The following ASB10 variants were observed in gnomAD, a reference collection of about 807,000 sequenced individuals.
The protein encoded by ASB10 is ankyrin repeat and SOCS box protein 10.
A neutral mutation model predicts 35.4 loss-of-function variants in ASB10; 44 were observed. The ratio of observed to expected loss-of-function variants is 1.24; its 90% CI spans 0.98 to 1.60. ASB10 has a LOEUF of 1.60. Ranked by LOEUF, ASB10 falls within the 40% of genes most tolerant of loss-of-function variation. The pLI, the probability that ASB10 is intolerant of heterozygous loss-of-function variation, is 0.00. For missense variants in ASB10, 647 were observed against 634.3 expected, an observed-to-expected ratio of 1.02 and a Z score of -0.22; for synonymous variants, 294 against 280.4, an observed-to-expected ratio of 1.05 and a Z score of -0.49.
intron 2 of ASB10, among the ~76,000 whole-genome samples, chr7:151,185,932 G>T (rs147032022): frequency 6.6e-6 from 1 of 152,194 alleles, no homozygotes; most frequent in Admixed American, 6.5e-5. Flanking sequence ...TACCCAGAGG[G>T]ACCCAGGCAG....
chr7:151,187,296 C>T (rs896059451), upstream of ASB10: 19 of 1,507,866 alleles, frequency 1.3e-5, 1 homozygote, highest in African/African-American at 2.5e-4. The surrounding 1 kb of genome is among the most constrained non-coding windows in gnomAD (Gnocchi z 5.3). Context: ...CTCCACATGA[C>T]TGTGTTCTTG....
In ASB10 at chr7:151,186,571, C is replaced by T; in HGVS notation, c.405G>A (p.Leu135=). The T allele has an allele frequency of 1.2e-6, 2 of 1,606,842 alleles. No individual in the cohort carries two copies. Among genetic ancestry groups the T allele is most frequent in the Non-Finnish European group, 8.5e-7 (1 of 1,177,482 alleles). The change falls in exon 2 of 6, where the codon CTG becomes CTA. Residue 135 remains leucine (L), a synonymous_variant. Transcript: ENST00000420175. ...SRGHTEVLRL[L]LRRRARPDSA... is the part of the protein sequence containing the mutation. ...TGTCTGGCCTTGCTCGCCGCCTCAG[C>T]AGCAGCCGCAGGACTTCCGTGTGGC...
rs2150561111 is a variant in ASB10 at position 151,187,242 on chromosome 7, T to C, written c.-112A>G. Reference sequence around the variant, plus strand: ...GACAGAAGGCCCCTGTGTCCCACGCTCCGAGGCTGACCTGGCCACGCATCC... The same window carrying C: ...GACAGAAGGCCCCTGTGTCCCACGCCCCGAGGCTGACCTGGCCACGCATCC... On this transcript the variant is annotated 5_prime_UTR_variant, in exon 1 of 6. Transcript: ENST00000420175. This position sits in a 1 kb window ranked among gnomAD's most constrained non-coding sequence, Gnocchi z 5.3. 6.6e-7 allele frequency: 1 copy of C among 1,525,818 alleles called. No individual in the cohort carries two copies. Among genetic ancestry groups the C allele is most frequent in the East Asian group, 2.5e-5 (1 of 40,650 alleles). The allele number at this position is 1,525,818 out of a possible 1,614,324, so 94.5% of individuals were successfully genotyped here. A position where few individuals can be genotyped will look rare whatever the true frequency, so the allele number is the denominator to read the frequency against.
rs1156510454 is a variant in ASB10, at chr7:151,176,160, C to G, written c.1356G>C (p.Pro452=). ...CCAGCTGCAGGTAGCGGAGCAGGCG[C>G]GGTGGCAGGGGGAGGCGGGGCAGCG... ...PQALPRLPLP[P]RLLRYLQLDF... is the part of the protein sequence containing the mutation. Residue 452 remains proline (P), a synonymous_variant, in exon 5 of 6, where the codon CCG becomes CCC. Transcript: ENST00000420175. 1.2e-6 allele frequency: 2 copies of G among 1,611,812 alleles called. No individual in the cohort carries two copies. Among genetic ancestry groups the G allele is most frequent in the Non-Finnish European group, 1.7e-6 (2 of 1,179,810 alleles).
At chr7:151,180,319 G>A (rs187715824) in intron 3 of ASB10, among the ~76,000 whole-genome samples, 11 of 152,362 alleles carry the variant, frequency 7.2e-5, no homozygotes, top group Admixed American at 2.0e-4. Context: ...AATTGACAGT[G>A]AAAGGCATGT....
At position 151,176,127 on chromosome 7, in the gene ASB10, C is replaced by T. The variant is rs746880518; in HGVS notation, c.1389G>A (p.Glu463=). The T allele has an allele frequency of 1.9e-6, 3 of 1,611,486 alleles. No individual in the cohort carries two copies. Among genetic ancestry groups the T allele is most frequent in the Admixed American group, 1.7e-5 (1 of 59,984 alleles). ...RLLRYLQLDF[E]GVLY ...CGGGGCTCACCTAGTAGAGCACGCC[C>T]TCAAAATCCAGCTGCAGGTAGCGGA... The change falls in exon 5 of 6, where the codon GAG becomes GAA. Residue 463 remains glutamate, a synonymous_variant. Transcript: ENST00000420175.
rs757429484 is a variant in ASB10, at chr7:151,186,459, C to T, written c.517G>A (p.Asp173Asn). The T allele has an allele frequency of 4.1e-5, 65 of 1,593,076 alleles. 1 individual carries two copies. In the South Asian group the frequency reaches 4.7e-4, roughly 11 times the overall value. The change falls in exon 2 of 6, where the codon GAC becomes AAC. Residue 173 changes from aspartate to asparagine, a missense_variant. Physicochemically the swap from Asp to Asn is conservative, Grantham distance 23 (BLOSUM62 1). Coordinates refer to ENST00000420175, the MANE Select transcript of ASB10 (RefSeq NM_001142459.2). ...CCATCCTGGTCAGCGATGTTGGGGT[C>T]GGCTCCTGCCACCAGCAGCACATGA... ...CVHVLLVAGA[D>N]PNIADQDGKR...
intron 2 of ASB10, among the ~76,000 whole-genome samples, chr7:151,185,284 A>G (rs1801569025): frequency 6.6e-6 from 1 of 151,466 alleles, no homozygotes; most frequent in Non-Finnish European, 1.5e-5. Flanking sequence ...ACACCCAGCT[A>G]ATTTTTGTAT....
intron 2 of ASB10, among the ~76,000 whole-genome samples, chr7:151,182,654 A>G (rs1801516466): frequency 6.6e-6 from 1 of 152,356 alleles, no homozygotes; most frequent in South Asian, 2.1e-4. Flanking sequence ...AAGCACAGGG[A>G]GTCACAGCAA....
At chr7:151,187,255 T>C (rs370752553), upstream of ASB10, 264 of 1,517,410 alleles carry the variant, frequency 1.7e-4, no homozygotes, top group African/African-American at 3.2e-3. This position sits in a 1 kb window ranked among gnomAD's most constrained non-coding sequence, Gnocchi z 5.3. Context: ...GAGGCTGACC[T>C]GGCCACGCAT....
chr7:151,186,269 A>AC, intron 2 of ASB10, 123 bp downstream of exon 2: 1 of 1,257,146 alleles, frequency 8.0e-7, no homozygotes, highest in Non-Finnish European at 1.1e-6. Flanking sequence ...TTGCACCCTG[A>AC]CCCGCGCCCC....
chr7:151,187,419 C>T, upstream of ASB10: 1 of 1,550,924 alleles, frequency 6.4e-7, no homozygotes, highest in Non-Finnish European at 8.7e-7. The surrounding 1 kb of genome is among the most constrained non-coding windows in gnomAD (Gnocchi z 5.3). Context: ...AGCCCAGCCC[C>T]CTGGTTCTCA....
intron 2 of ASB10, among the ~76,000 whole-genome samples, chr7:151,184,605 G>T (rs2150559458): frequency 1.3e-5 from 2 of 152,250 alleles, no homozygotes; most frequent in South Asian, 4.1e-4. Context: ...GGTGGGGTGG[G>T]TGGTTAGTGT....
At chr7:151,187,563 G>C (rs1801626558), upstream of ASB10, 1 of 1,551,346 alleles carries the variant, frequency 6.4e-7, no homozygotes, top group Non-Finnish European at 8.7e-7. This position sits in a 1 kb window ranked among gnomAD's most constrained non-coding sequence, Gnocchi z 5.3. Context: ...CCGGTGTAGA[G>C]GGCATTCTGC....
At chr7:151,181,537 T>C (rs1801494703) in intron 2 of ASB10, 79 bp from the exon 3 acceptor site, 17 of 1,464,352 alleles carry the variant, frequency 1.2e-5, no homozygotes, top group Non-Finnish European at 1.4e-5. Context: ...CTCTTGGTTC[T>C]GTCTCCCCCC....
chr7:151,181,232 C>T lies in ASB10; in HGVS notation c.811G>A (p.Ala271Thr), dbSNP rs762991342. The T allele has an allele frequency of 6.2e-6, 10 of 1,613,008 alleles. No homozygotes were observed. In the Admixed American group the frequency reaches 6.7e-5, roughly 11 times the overall value. ...QSITDAEATT[A>T]RCLQLCSLLL... ...AAGCTGCACAGCTGCAGGCAGCGGG[C>T]GGTGGTGGCCTCGGCATCGGTGATG... is the stretch of plus-strand genomic sequence containing the variant. Residue 271 changes from alanine to threonine, a missense_variant, in exon 3 of 6, where the codon GCC becomes ACC. Ala to Thr is a moderately conservative substitution (Grantham distance 58). Coordinates refer to ENST00000420175, the MANE Select transcript of ASB10 (RefSeq NM_001142459.2).
intron 3 of ASB10, among the ~76,000 whole-genome samples, chr7:151,180,287 G>C (rs1166809611): frequency 2.0e-5 from 3 of 152,242 alleles, no homozygotes; most frequent in African/African-American, 7.2e-5. Flanking sequence ...GGGAAATTAA[G>C]ATAAAGTAGG....
rs4726006 is a variant in ASB10 at position 151,181,716 on chromosome 7, G to A, written c.585-258C>T. Among the ~76,000 whole-genome samples, 29,473 of 151,296 alleles carry A rather than the reference G, an allele frequency of 0.19. 3,272 individuals are homozygous for A. The highest frequency in any genetic ancestry group is 0.26 in the Non-Finnish European group (17,466 of 67,818). ...CAACCTCCACCTCCCGGGTTCAAGC[G>A]ATTCTCCTGCCTCAGCCTCCAGAGT... On this transcript the variant is annotated intron_variant, in intron 2 of 5. Coordinates refer to ENST00000420175, the MANE Select transcript of ASB10 (RefSeq NM_001142459.2).
chr7:151,182,395 C>T (rs999141619), intron 2 of ASB10, among the ~76,000 whole-genome samples: 8 of 151,998 alleles, frequency 5.3e-5, no homozygotes, highest in African/African-American at 9.7e-5. Context: ...CTGGCAAACA[C>T]GGTGAACCCC....
Sources: allele counts gnomAD v4.1 joint callset (sites outside exome capture counted in the v4.1 genomes callset), GRCh38; gene constraint gnomAD v4.1.1; non-coding constraint Gnocchi (gnomAD v3.1); transcripts MANE v1.5; gene names NCBI Gene and HGNC (gene_info 2026-07-23, HGNC 2026-07-21).